SLC30A4: variants seen among roughly 807,000 people sequenced by gnomAD.
SLC30A4 encodes solute carrier family 30 member 4.
A neutral mutation model predicts 41.7 loss-of-function variants in SLC30A4; 20 were observed. The observed-to-expected ratio is 0.48, with a 90% CI of 0.34 to 0.70. The LOEUF (loss-of-function observed/expected upper bound fraction) is 0.70, where lower values mean the gene tolerates loss of function less well. Among genes scored for constraint, SLC30A4 ranks in the 30% least tolerant of loss-of-function variants. The pLI is 0.01. For synonymous variants in SLC30A4, 181 were observed against 195.9 expected (o/e 0.92, Z 0.64); for missense variants, 441 against 529.3 (o/e 0.83, Z 1.64).
At chr15:45,490,636 T>C (rs1475392985) in intron 4 of SLC30A4, 92 bp downstream of exon 4, 1 of 767,610 alleles carries the variant, frequency 1.3e-6, no homozygotes. Flanking sequence ...TTTTAAAATA[T>C]CAAAATATCA....
At chr15:45,486,419 C>T (rs1057295914) in intron 7 of SLC30A4, among the ~76,000 whole-genome samples, 192 bp downstream of exon 7, 2 of 152,154 alleles carry the variant, frequency 1.3e-5, no homozygotes, top group African/African-American at 4.8e-5. Flanking sequence ...TACTGACCTG[C>T]AACTTACCCT....
At chr15:45,485,438 C>T in intron 7 of SLC30A4, 121 bp from the exon 8 acceptor site, 2 of 659,344 alleles carry the variant, frequency 3.0e-6, no homozygotes, top group Non-Finnish European at 4.9e-6. Flanking sequence ...TTTCTACCCT[C>T]TCTAAGCTAT....
chr15:45,517,952 T>C (rs1028585425), intron 2 of SLC30A4, among the ~76,000 whole-genome samples: 7 of 151,930 alleles, frequency 4.6e-5, no homozygotes, highest in Admixed American at 3.9e-4. Flanking sequence ...CGTCTCAAAA[T>C]AAAAACAAAA....
rs1328150809 is a variant in SLC30A4 at position 45,486,511 on chromosome 15, T to C, written c.1135+100A>G. Reference sequence around the variant, plus strand: ...GGCTTTTGTCTTAAAACAAATCTTTTCAGCAGAAAAGTCTTCCTACATAAT... The same window carrying C: ...GGCTTTTGTCTTAAAACAAATCTTTCCAGCAGAAAAGTCTTCCTACATAAT... On this transcript the variant is annotated intron_variant, in intron 7 of 7. Transcript: ENST00000261867. 2.7e-6 allele frequency: 3 copies of C among 1,103,988 alleles called. No individual in the cohort carries two copies. In the African/African-American group the frequency reaches 4.9e-5, roughly 18 times the overall value. The allele number at this position is 1,103,988 out of a possible 1,614,324, so 68.4% of individuals were successfully genotyped here.
intron 3 of SLC30A4, among the ~76,000 whole-genome samples, chr15:45,506,070 G>A (rs1456224870): frequency 6.6e-6 from 1 of 151,974 alleles, no homozygotes; most frequent in East Asian, 1.9e-4. Context: ...AGCCAGGCAT[G>A]GTGGTGCATG....
At chr15:45,491,970 A>T (rs1306571501) in intron 3 of SLC30A4, among the ~76,000 whole-genome samples, 2 of 152,166 alleles carry the variant, frequency 1.3e-5, no homozygotes, top group South Asian at 2.1e-4. Flanking sequence ...CCTCCTATTA[A>T]ATTGGCAAAC....
At position 45,485,334 on chromosome 15, in the gene SLC30A4, A is replaced by C; in HGVS notation, c.1136-17T>G. ...TTCCAGGAACTGCAATGTCAAGAAA[A>C]TATCATTACTATCCATTGTACAGTT... On this transcript the variant is annotated splice_polypyrimidine_tract_variant and intron_variant, in intron 7 of 7. Coordinates refer to ENST00000261867, the MANE Select transcript of SLC30A4 (RefSeq NM_013309.6). 6.3e-7 allele frequency: 1 copy of C among 1,575,364 alleles called. No individual in the cohort carries two copies. Among genetic ancestry groups the C allele is most frequent in the East Asian group, 2.2e-5 (1 of 44,574 alleles).
intron 3 of SLC30A4, among the ~76,000 whole-genome samples, chr15:45,510,631 A>G (rs1455962436): frequency 6.6e-6 from 1 of 152,236 alleles, no homozygotes; most frequent in Non-Finnish European, 1.5e-5. Flanking sequence ...TTAACTCTTT[A>G]TAATTAAACA....
chr15:45,507,810 T>G (rs1892193310), intron 3 of SLC30A4, among the ~76,000 whole-genome samples: 1 of 152,122 alleles, frequency 6.6e-6, no homozygotes, highest in Admixed American at 6.6e-5. Context: ...TTAAGTTACT[T>G]CTCTTTCCTT....
At chr15:45,489,434 C>G (rs1393954825) in intron 4 of SLC30A4, among the ~76,000 whole-genome samples, 1 of 151,608 alleles carries the variant, frequency 6.6e-6, no homozygotes, top group Non-Finnish European at 1.5e-5. Flanking sequence ...GAAGAGTGTT[C>G]TAGGCGGAAG....
intron 3 of SLC30A4, among the ~76,000 whole-genome samples, chr15:45,507,192 C>G (rs530833125): frequency 6.6e-6 from 1 of 151,832 alleles, no homozygotes; most frequent in South Asian, 2.1e-4. Context: ...TGGCGGCGGG[C>G]CCCTGTAATC....
intron 3 of SLC30A4, among the ~76,000 whole-genome samples, chr15:45,496,461 A>G (rs1319027699): frequency 6.6e-6 from 1 of 152,146 alleles, no homozygotes; most frequent in African/African-American, 2.4e-5. Context: ...TAAATTTCGG[A>G]TTACTATTTC....
Position 45,518,549 on chromosome 15 carries a change from C to T in SLC30A4, c.391+3415G>A, listed in dbSNP as rs186015863. Among the ~76,000 whole-genome samples, 617 of 151,904 alleles carry T rather than the reference C, an allele frequency of 4.1e-3. 2 individuals carry two copies. Among genetic ancestry groups the T allele is most frequent in the African/African-American group, 0.015 (599 of 41,268 alleles). On this transcript the variant is annotated intron_variant, in intron 2 of 7. Transcript: ENST00000261867. ...AAAGCCAACCAAGTCTATCTCAGCT[C>T]ATTTAGTTACTTCATTTTTTTTCCC...
rs535843228 is a variant in SLC30A4, at chr15:45,504,694, T to C, written c.538+6444A>G. 2.6e-5 allele frequency among the ~76,000 whole-genome samples: 4 copies of C among 152,356 alleles called. No homozygotes were observed. In the East Asian group the frequency reaches 7.7e-4, roughly 29 times the overall value. On this transcript the variant is annotated intron_variant, in intron 3 of 7. Coordinates refer to ENST00000261867, the MANE Select transcript of SLC30A4 (RefSeq NM_013309.6). ...GCTTTTGAAGTGCCAGGCATTTTTC[T>C]AATTACTTTACAAATATTAACTCAT...
At chr15:45,520,620 G>T (rs1358731129) in intron 2 of SLC30A4, among the ~76,000 whole-genome samples, 1 of 152,172 alleles carries the variant, frequency 6.6e-6, no homozygotes, top group East Asian at 1.9e-4. Context: ...AACTGGCCAA[G>T]AAAAGATTTG....
At chr15:45,497,246 T>A (rs1891925761) in intron 3 of SLC30A4, 1 of 152,138 alleles carries the variant, frequency 6.6e-6, no homozygotes, top group Non-Finnish European at 1.5e-5. Flanking sequence ...TTTTTGGTAT[T>A]TTTAGTAGAG....
intron 2 of SLC30A4, among the ~76,000 whole-genome samples, chr15:45,519,040 C>G (rs1322293298): frequency 6.6e-6 from 1 of 150,722 alleles, no homozygotes; most frequent in Non-Finnish European, 1.5e-5. Context: ...AAAGCGATTT[C>G]TGGCTAATTT....
In SLC30A4 at chr15:45,511,244, T is replaced by G. The variant is rs769102881; in HGVS notation, c.432A>C (p.Ala144=). Residue 144 remains alanine, a synonymous_variant, in exon 3 of 8, where the codon GCA becomes GCC. Transcript: ENST00000261867. ...CGCTTAGGTCAGTTAACATATGAAG[T>G]GCATCTGTCATGATTGCTAGGCTAT... ...IANSLAIMTD[A]LHMLTDLSAI... is the part of the protein sequence containing the mutation. The G allele has an allele frequency of 6.2e-6, 10 of 1,612,396 alleles. No individual in the cohort carries two copies. Among genetic ancestry groups the G allele is most frequent in the Non-Finnish European group, 8.5e-6 (10 of 1,179,018 alleles).
At chr15:45,517,197 C>G (rs1468804246) in intron 2 of SLC30A4, among the ~76,000 whole-genome samples, 12 of 151,696 alleles carry the variant, frequency 7.9e-5, no homozygotes, top group Non-Finnish European at 4.4e-5. Flanking sequence ...TGCCTGACTT[C>G]TAAAGTTGGA....
Sources: gnomAD v4.1 joint callset for allele counts (sites outside exome capture counted in the v4.1 genomes callset) on GRCh38, gnomAD v4.1.1 for gene constraint, MANE v1.5 for transcripts, NCBI Gene and HGNC (gene_info 2026-07-23, HGNC 2026-07-21) for gene names.